The following NUP62CL variants were observed in gnomAD, a reference collection of about 807,000 sequenced individuals.
NUP62CL encodes nucleoporin 62 C-terminal like.
Under a neutral mutation model 15.3 loss-of-function variants are expected in NUP62CL, and 13 were observed. That is an observed-to-expected ratio of 0.85 (90% CI 0.55 to 1.35). NUP62CL has a LOEUF of 1.35. NUP62CL is among the 40% of genes most tolerant of loss of function. The pLI, the probability that NUP62CL is intolerant of heterozygous loss-of-function variation, is 0.00. For missense variants in NUP62CL, 123 were observed against 130.6 expected, an observed-to-expected ratio of 0.94 and a Z score of 0.28; for synonymous variants, 54 against 49.2, an observed-to-expected ratio of 1.10 and a Z score of -0.41.
chrX:107,196,536 G>A (rs937346054), intron 1 of NUP62CL, among the ~76,000 whole-genome samples: 2 of 112,252 alleles, frequency 1.8e-5, no homozygotes, highest in African/African-American at 6.5e-5. Context: ...CCGCCTCCCA[G>A]GTTCAAGTGA....
At chrX:107,153,944 G>A (rs763345270) in intron 5 of NUP62CL, 152 bp downstream of exon 5, 7 of 476,679 alleles carry the variant, frequency 1.5e-5, no homozygotes, top group Non-Finnish European at 2.4e-5. Context: ...CTGTGCTCCA[G>A]CCTAGGTGAT....
intron 3 of NUP62CL, among the ~76,000 whole-genome samples, chrX:107,171,682 C>A (rs1926653979): frequency 9.0e-6 from 1 of 111,222 alleles, no homozygotes; most frequent in Non-Finnish European, 1.9e-5. Context: ...ATGGGAGGTA[C>A]AATTCAAGAT....
intron 8 of NUP62CL, among the ~76,000 whole-genome samples, chrX:107,140,610 A>G (rs1268783713): frequency 1.8e-5 from 2 of 112,459 alleles, no homozygotes; most frequent in Non-Finnish European, 3.8e-5. Flanking sequence ...GGCCAAAGCT[A>G]ATGAATTTCT....
At chrX:107,165,018 G>A (rs947098852) in intron 4 of NUP62CL, among the ~76,000 whole-genome samples, 13 of 112,306 alleles carry the variant, frequency 1.2e-4, no homozygotes, top group South Asian at 7.4e-4. Flanking sequence ...GGAGAATGGC[G>A]TGAACCTGGG....
chrX:107,141,481 G>A (rs1220408054), intron 8 of NUP62CL, among the ~76,000 whole-genome samples: 2 of 111,797 alleles, frequency 1.8e-5, no homozygotes, highest in Non-Finnish European at 3.8e-5. Context: ...TGTTGCTGCC[G>A]CATCTCTGGC....
chrX:107,176,949 T>C (rs1926800901), intron 2 of NUP62CL, among the ~76,000 whole-genome samples: 1 of 111,179 alleles, frequency 9.0e-6, no homozygotes, highest in African/African-American at 3.3e-5. Flanking sequence ...GATTCAACAA[T>C]ACATTGAAAA....
At chrX:107,157,154 G>A (rs1396375321) in intron 4 of NUP62CL, among the ~76,000 whole-genome samples, 1 of 110,401 alleles carries the variant, frequency 9.1e-6, no homozygotes, top group Non-Finnish European at 1.9e-5. Context: ...ACGTCTGATT[G>A]GTGTACCTGA....
At chrX:107,193,189 G>A (rs1333484170) in intron 1 of NUP62CL, 117 bp from the exon 2 acceptor site, 1 of 112,215 alleles carries the variant, frequency 8.9e-6, no homozygotes, top group Non-Finnish European at 1.9e-5. Flanking sequence ...CAAACTTCTA[G>A]AAGTACCAGT....
chrX:107,176,892 C>T (rs1330826973), intron 2 of NUP62CL, among the ~76,000 whole-genome samples: 2 of 111,275 alleles, frequency 1.8e-5, no homozygotes, highest in Non-Finnish European at 3.8e-5. Flanking sequence ...TAAATACTTT[C>T]CCACTACCAT....
At chrX:107,165,558 G>C (rs1926498194) in intron 4 of NUP62CL, among the ~76,000 whole-genome samples, 1 of 110,541 alleles carries the variant, frequency 9.0e-6, no homozygotes, top group African/African-American at 3.3e-5. Context: ...CATGAACTTA[G>C]ATACAAAAGT....
intron 2 of NUP62CL, among the ~76,000 whole-genome samples, chrX:107,184,091 C>G (rs190154607): frequency 2.9e-3 from 322 of 109,543 alleles, no homozygotes; most frequent in African/African-American, 9.4e-3. Context: ...CCTCCCCCCC[C>G]TCCACCAGAA....
At chrX:107,162,027 AAGAAAT>A (rs1926398967) in intron 4 of NUP62CL, among the ~76,000 whole-genome samples, 1 of 110,043 alleles carries the variant, frequency 9.1e-6, no homozygotes, top group Non-Finnish European at 1.9e-5. Context: ...AATCTCAGCA[AAGAAAT>A]AGAAAGTATG....
chrX:107,192,108 G>A (rs1927257887), intron 2 of NUP62CL, among the ~76,000 whole-genome samples: 1 of 111,979 alleles, frequency 8.9e-6, no homozygotes, highest in South Asian at 3.7e-4. Flanking sequence ...GGCATGAAAT[G>A]AGTACCTCCT....
Position 107,155,326 on chromosome X carries a change from C to T in NUP62CL, c.195-1080G>A, listed in dbSNP as rs779499792. Among the ~76,000 whole-genome samples, 319 of 112,508 alleles carry T rather than the reference C, an allele frequency of 2.8e-3. 2 individuals carry two copies. The highest frequency in any genetic ancestry group is 9.8e-3 in the African/African-American group (302 of 30,932). On this transcript the variant is annotated intron_variant, in intron 4 of 8. Coordinates refer to ENST00000372466, the MANE Select transcript of NUP62CL (RefSeq NM_017681.3). Reference sequence around the variant, plus strand: ...GTTGACATTATGCTTCTTCTTCCCTCCCCTTGTGTCAGTGGGGCCAACAGG... The same window carrying T: ...GTTGACATTATGCTTCTTCTTCCCTTCCCTTGTGTCAGTGGGGCCAACAGG...
chrX:107,134,348 A>G (rs185853128), intron 8 of NUP62CL, among the ~76,000 whole-genome samples: 1 of 112,674 alleles, frequency 8.9e-6, no homozygotes, highest in Admixed American at 9.3e-5. Flanking sequence ...GCAATTTCCT[A>G]TAGTTTAACC....
intron 1 of NUP62CL, among the ~76,000 whole-genome samples, chrX:107,196,122 T>C (rs1927355973): frequency 9.0e-6 from 1 of 111,624 alleles, no homozygotes; most frequent in Non-Finnish European, 1.9e-5. Flanking sequence ...CTTTTGGAAA[T>C]AATTTAAGAA....
intron 2 of NUP62CL, among the ~76,000 whole-genome samples, chrX:107,185,881 A>G (rs1480087275): frequency 8.9e-6 from 1 of 111,757 alleles, no homozygotes; most frequent in Non-Finnish European, 1.9e-5. Context: ...AAAGATGGGA[A>G]AAAATATACC....
chrX:107,141,621 GA>G (rs1402322551), intron 8 of NUP62CL, among the ~76,000 whole-genome samples: 3 of 111,818 alleles, frequency 2.7e-5, no homozygotes, highest in Admixed American at 1.9e-4. Flanking sequence ...GGAAGTAAAT[GA>G]AACAACCTTG....
At chrX:107,148,958 T>C (rs1450988146) in intron 7 of NUP62CL, among the ~76,000 whole-genome samples, 1 of 111,680 alleles carries the variant, frequency 9.0e-6, no homozygotes, top group Non-Finnish European at 1.9e-5. Context: ...TCCCGTTTCT[T>C]GTCCAAGGAT....
Sources: gnomAD v4.1 joint callset for allele counts (sites outside exome capture counted in the v4.1 genomes callset) on GRCh38, gnomAD v4.1.1 for gene constraint, MANE v1.5 for transcripts, NCBI Gene and HGNC (gene_info 2026-07-23, HGNC 2026-07-21) for gene names.